Variants in ANKRD36 observed in about 807,000 individuals in gnomAD.
The protein encoded by ANKRD36 is ankyrin repeat domain-containing protein 36A.
In ANKRD36, 179 loss-of-function variants were observed where a neutral mutation model predicts 278.1. The observed-to-expected ratio is 0.64, with a 90% CI of 0.57 to 0.73. The LOEUF (loss-of-function observed/expected upper bound fraction) is 0.73, where lower values mean the gene tolerates loss of function less well. ANKRD36 is among the 30% of genes least tolerant of loss of function. The pLI is 0.00. For missense variants in ANKRD36, 1,159 were observed against 1,956.7 expected, an observed-to-expected ratio of 0.59 and a Z score of 7.69; for synonymous variants, 320 against 641.1, an observed-to-expected ratio of 0.50 and a Z score of 7.57.
At position 97,187,216 on chromosome 2, in the gene ANKRD36, C is replaced by A. The variant is rs769065940; in HGVS notation, c.2060C>A (p.Pro687Gln). ...QCGTVSSQKQ[P>Q]ALKATTDEED... Reference sequence around the variant, plus strand: ...TTTTCAGTGTCTTCTCAGAAACAACCAGCCTTGAAGGTAATTAAACTCTCA... The same window carrying A: ...TTTTCAGTGTCTTCTCAGAAACAACAAGCCTTGAAGGTAATTAAACTCTCA... Residue 687 changes from proline (P) to glutamine (Q), a missense_variant, in exon 31 of 76, where the codon CCA (proline) becomes CAA (glutamine). Pro to Gln is a moderately conservative substitution (Grantham distance 76). Coordinates refer to ENST00000420699, the MANE Select transcript of ANKRD36 (RefSeq NM_001354587.1). 3.1e-6 allele frequency: 5 copies of A among 1,609,736 alleles called. No individual in the cohort carries two copies. The highest frequency in any genetic ancestry group is 2.2e-5 in the East Asian group (1 of 44,752).
intron 1 of ANKRD36, among the ~76,000 whole-genome samples, chr2:97,117,492 A>G (rs2035800469): frequency 6.6e-6 from 1 of 152,064 alleles, no homozygotes; most frequent in Admixed American, 6.6e-5. Flanking sequence ...TTAATTGTAA[A>G]CAGTATTCCA....
intron 4 of ANKRD36, among the ~76,000 whole-genome samples, chr2:97,123,733 T>C (rs1316141247): frequency 6.9e-6 from 1 of 144,668 alleles, no homozygotes; most frequent in East Asian, 2.0e-4. Flanking sequence ...TACACACATA[T>C]GTATGTAAGA....
Sources: allele counts gnomAD v4.1 joint callset (sites outside exome capture counted in the v4.1 genomes callset), GRCh38; gene constraint gnomAD v4.1.1; transcripts MANE v1.5; gene names NCBI Gene and HGNC (gene_info 2026-07-23, HGNC 2026-07-21).